ST3GAL1: variants seen among roughly 807,000 people sequenced by gnomAD.
ST3GAL1 encodes ST3 beta-galactoside alpha-2,3-sialyltransferase 1.
Under a neutral mutation model 34.1 loss-of-function variants are expected in ST3GAL1, and 16 were observed. The ratio of observed to expected loss-of-function variants is 0.47; its 90% CI spans 0.32 to 0.71. The LOEUF is 0.71. Ranked by LOEUF, ST3GAL1 falls within the 30% of genes least tolerant of loss-of-function variation. The pLI is 0.04. For synonymous variants in ST3GAL1, 191 were observed against 184.7 expected (o/e 1.03, Z -0.28); for missense variants, 353 against 447.4 (o/e 0.79, Z 1.90).
chr8:133,500,257 A>G (rs1366123100), intron 2 of ST3GAL1, among the ~76,000 whole-genome samples: 1 of 152,064 alleles, frequency 6.6e-6, no homozygotes, highest in African/African-American at 2.4e-5. Flanking sequence ...CCCTCTCCCC[A>G]TGCCCCATCA....
Position 133,556,676 on chromosome 8 carries a change from G to T in ST3GAL1, c.-581-10750C>A, listed in dbSNP as rs777053304. ...GAACGAAAATGGGAAGGAAGAGAAG[G>T]GAGAAAGAAAACTATTAGCCATGGA... On this transcript the variant is annotated intron_variant, in intron 1 of 9. Transcript: ENST00000522652. This position sits in a 1 kb window ranked among gnomAD's most constrained non-coding sequence, Gnocchi z 8.9. Among the ~76,000 whole-genome samples the T allele has an allele frequency of 6.6e-6, 1 of 152,154 alleles. No homozygotes were observed. Among genetic ancestry groups the T allele is most frequent in the African/African-American group, 2.4e-5 (1 of 41,426 alleles).
At chr8:133,511,617 T>G (rs1817499457) in intron 2 of ST3GAL1, among the ~76,000 whole-genome samples, 1 of 152,024 alleles carries the variant, frequency 6.6e-6, no homozygotes, top group South Asian at 2.1e-4. Flanking sequence ...GGCTCCGGAG[T>G]GATGCCAACG....
intron 1 of ST3GAL1, among the ~76,000 whole-genome samples, chr8:133,566,540 AG>A (rs1003930411): frequency 3.9e-5 from 6 of 152,098 alleles, no homozygotes; most frequent in African/African-American, 1.4e-4. Flanking sequence ...CCCGCATTGC[AG>A]GGGGTGATCA....
chr8:133,515,127 G>C (rs1296947803), intron 2 of ST3GAL1, among the ~76,000 whole-genome samples: 5 of 152,134 alleles, frequency 3.3e-5, no homozygotes, highest in Non-Finnish European at 4.4e-5. Flanking sequence ...TCATGGTCCT[G>C]GCCTTAGTGG....
In ST3GAL1 at chr8:133,459,724, AG is replaced by A; in HGVS notation, c.*39del. 1 of 1,560,730 alleles carries A rather than the reference AG, an allele frequency of 6.4e-7. No individual in the cohort carries two copies. Among genetic ancestry groups the A allele is most frequent in the Non-Finnish European group, 8.7e-7 (1 of 1,148,720 alleles). ...AGCAAGATGCTGGGGCTGGAAATGC[AG>A]AGGTGTGACAGTGCGTCCATCCTCA... is the stretch of plus-strand genomic sequence containing the variant. On this transcript the variant is annotated 3_prime_UTR_variant, in exon 10 of 10. Coordinates refer to ENST00000522652, the MANE Select transcript of ST3GAL1 (RefSeq NM_173344.3). This position sits in a 1 kb window ranked among gnomAD's most constrained non-coding sequence, Gnocchi z 4.7.
chr8:133,566,132 C>T (rs1819393161), intron 1 of ST3GAL1, among the ~76,000 whole-genome samples: 1 of 152,224 alleles, frequency 6.6e-6, no homozygotes, highest in Non-Finnish European at 1.5e-5. Flanking sequence ...GGTAACAGTG[C>T]TTTGGGTGGC....
intron 3 of ST3GAL1, among the ~76,000 whole-genome samples, chr8:133,481,022 AGCC>A (rs1816361357): frequency 6.6e-6 from 1 of 152,130 alleles, no homozygotes; most frequent in African/African-American, 2.4e-5. Flanking sequence ...TATTCACCAC[AGCC>A]GTCTTAAAGC....
At chr8:133,566,024 C>A (rs748633529) in intron 1 of ST3GAL1, among the ~76,000 whole-genome samples, 1 of 152,230 alleles carries the variant, frequency 6.6e-6, no homozygotes, top group East Asian at 1.9e-4. Flanking sequence ...GCTGGCCAGC[C>A]AGGCCACATA....
chr8:133,494,584 A>T (rs112210646), intron 3 of ST3GAL1, among the ~76,000 whole-genome samples: 1 of 152,092 alleles, frequency 6.6e-6, no homozygotes, highest in African/African-American at 2.4e-5. Flanking sequence ...ACCTACCTGA[A>T]GCCTCCAGTG....
At chr8:133,471,713 C>T (rs564412116) in intron 5 of ST3GAL1, among the ~76,000 whole-genome samples, 2 of 152,164 alleles carry the variant, frequency 1.3e-5, no homozygotes, top group South Asian at 4.1e-4. Flanking sequence ...TACCTACACC[C>T]TCCTGGTGGT....
chr8:133,458,885 TC>T lies in ST3GAL1; in HGVS notation c.*878del. 1 of 144,534 alleles carries T rather than the reference TC, an allele frequency of 6.9e-6. No individual in the cohort carries two copies. The highest frequency in any genetic ancestry group is 1.5e-5 in the Non-Finnish European group (1 of 66,432). The allele number at this position is 144,534 out of a possible 1,614,324, so 9.0% of individuals were successfully genotyped here. A position where few individuals can be genotyped will look rare whatever the true frequency, so the allele number is the denominator to read the frequency against. On this transcript the variant is annotated 3_prime_UTR_variant, in exon 10 of 10. Coordinates refer to ENST00000522652, the MANE Select transcript of ST3GAL1 (RefSeq NM_173344.3). ...GCCAAGTTTGGGGTTTTTTTTCTTTTCTTTTTTTTTTTTTTTCAGAGACAGG... is the reference window on the plus strand; with the variant it reads ...GCCAAGTTTGGGGTTTTTTTTCTTTTTTTTTTTTTTTTTTTCAGAGACAGG...
chr8:133,563,269 T>C (rs556605502), intron 1 of ST3GAL1, among the ~76,000 whole-genome samples: 171 of 152,340 alleles, frequency 1.1e-3, no homozygotes, highest in African/African-American at 3.9e-3. Context: ...CTTGTAACCC[T>C]CTTTTTAATT....
At chr8:133,464,677 A>G in intron 7 of ST3GAL1, 101 bp downstream of exon 7, 3 of 1,343,352 alleles carry the variant, frequency 2.2e-6, no homozygotes, top group Non-Finnish European at 2.0e-6. Flanking sequence ...GGGGGAGGGG[A>G]GGCACCCCGG....
chr8:133,535,525 A>ATTTTTTTTTTTTTTTTTTTTTTTTTTT (rs112708766), intron 2 of ST3GAL1, among the ~76,000 whole-genome samples: 6 of 144,934 alleles, frequency 4.1e-5, no homozygotes, highest in African/African-American at 1.4e-4. Context: ...GTATTTTTTA[A>ATTTTTTTTTTTTTTTTTTTTTTTTTTT]TTTTTTTTTT....
intron 1 of ST3GAL1, among the ~76,000 whole-genome samples, chr8:133,559,023 T>C (rs1460836317): frequency 3.1e-5 from 4 of 127,930 alleles, no homozygotes; most frequent in East Asian, 4.0e-4. Flanking sequence ...CCCAGGGCGA[T>C]AGAGTGTGGT....
At chr8:133,462,069 T>A (rs1815533991) in intron 8 of ST3GAL1, 75 bp from the exon 9 acceptor site, 1 of 1,599,546 alleles carries the variant, frequency 6.3e-7, no homozygotes, top group South Asian at 1.1e-5. Context: ...CAGATGTACA[T>A]ACTGTTGTGG....
intron 2 of ST3GAL1, among the ~76,000 whole-genome samples, chr8:133,522,216 T>C (rs891482540): frequency 2.6e-5 from 4 of 152,152 alleles, no homozygotes; most frequent in Non-Finnish European, 4.4e-5. Flanking sequence ...GGAAGCAATA[T>C]AGAAAGCTAG....
At chr8:133,530,286 AT>A (rs150108560) in intron 2 of ST3GAL1, among the ~76,000 whole-genome samples, 12 of 116,822 alleles carry the variant, frequency 1.0e-4, no homozygotes, top group Non-Finnish European at 9.9e-5. Flanking sequence ...CTTTATTTTT[AT>A]TTTTTTTTTT....
chr8:133,540,560 CCTT>C, intron 2 of ST3GAL1, among the ~76,000 whole-genome samples: 1 of 152,052 alleles, frequency 6.6e-6, no homozygotes, highest in South Asian at 2.1e-4. Flanking sequence ...CCCCTGCTCT[CCTT>C]CTCACCTCCC....
Sources: gnomAD v4.1 joint callset for allele counts (sites outside exome capture counted in the v4.1 genomes callset) on GRCh38, gnomAD v4.1.1 for gene constraint, Gnocchi (gnomAD v3.1) non-coding constraint, MANE v1.5 for transcripts, NCBI Gene and HGNC (gene_info 2026-07-23, HGNC 2026-07-21) for gene names.